Variants in DYNC2H1 observed in about 807,000 individuals in gnomAD.
DYNC2H1 encodes dynein cytoplasmic 2 heavy chain 1.
DYNC2H1 carries 410 observed loss-of-function variants against 570.0 expected under a neutral mutation model. The ratio of observed to expected loss-of-function variants is 0.72; its 90% CI spans 0.66 to 0.78. The LOEUF (loss-of-function observed/expected upper bound fraction) is 0.78, where lower values mean the gene tolerates loss of function less well. Ranked by LOEUF, DYNC2H1 falls within the 30% of genes least tolerant of loss-of-function variation. DYNC2H1 has a pLI of 0.00. For synonymous variants in DYNC2H1, 1,688 were observed against 1,677.6 expected (o/e 1.01, Z -0.15); for missense variants, 4,865 against 5,046.4 (o/e 0.96, Z 1.09).
intron 70 of DYNC2H1, among the ~76,000 whole-genome samples, chr11:103,274,611 A>C (rs1035812790): frequency 6.6e-6 from 1 of 152,192 alleles, no homozygotes; most frequent in Non-Finnish European, 1.5e-5. Flanking sequence ...TCTGAATTTT[A>C]ACCTAATACC....
At chr11:103,460,400 C>G (rs1450155036) in intron 87 of DYNC2H1, among the ~76,000 whole-genome samples, 1 of 148,308 alleles carries the variant, frequency 6.7e-6, no homozygotes, top group Admixed American at 6.8e-5. Flanking sequence ...GTATATTGAC[C>G]GTTCTTTCAA....
Position 103,245,133 on chromosome 11 carries a change from A to G in DYNC2H1, c.9919-118A>G, listed in dbSNP as rs1457068894. 5 of 868,978 alleles carry G rather than the reference A, an allele frequency of 5.8e-6. No individual in the cohort carries two copies. In the East Asian group the frequency reaches 1.5e-4, roughly 26 times the overall value. The allele number at this position is 868,978 out of a possible 1,614,324, so 53.8% of individuals were successfully genotyped here. On this transcript the variant is annotated intron_variant, in intron 64 of 88. Transcript: ENST00000375735. The surrounding 1 kb of genome is among the most constrained non-coding windows in gnomAD (Gnocchi z 4.5). ...CTTGGGTGAGTAATTTATTACCTAT[A>G]GAATCTGAAATTGTGTTTCTATAAC...
At position 103,157,407 on chromosome 11, in the gene DYNC2H1, T is replaced by A. The variant is rs1860887689; in HGVS notation, c.4127+637T>A. ...AAATAGTAGGCTAAAACTGAATCCA[T>A]GAGCTTAATTTACCAGTTCCTTTCC... On this transcript the variant is annotated intron_variant, in intron 26 of 88. Coordinates refer to ENST00000375735, the MANE Select transcript of DYNC2H1 (RefSeq NM_001377.3). This position sits in a 1 kb window ranked among gnomAD's most constrained non-coding sequence, Gnocchi z 4.2. Among the ~76,000 whole-genome samples the A allele has an allele frequency of 6.6e-6, 1 of 152,372 alleles. No individual in the cohort carries two copies. Among genetic ancestry groups the A allele is most frequent in the African/African-American group, 2.4e-5 (1 of 41,596 alleles).
chr11:103,148,290 A>G (rs1423573542), intron 19 of DYNC2H1, among the ~76,000 whole-genome samples, 200 bp from the exon 20 acceptor site: 2 of 152,210 alleles, frequency 1.3e-5, no homozygotes, highest in African/African-American at 4.8e-5. Flanking sequence ...ACAACGTGAA[A>G]CAACTAAACT....
At position 103,129,056 on chromosome 11, in the gene DYNC2H1, T is replaced by C; in HGVS notation, c.1953+51T>C. 6.9e-7 allele frequency: 1 copy of C among 1,459,370 alleles called. No homozygotes were observed. Among genetic ancestry groups the C allele is most frequent in the Middle Eastern group, 1.8e-4 (1 of 5,604 alleles). 90.4% of individuals were successfully genotyped at this position (1,459,370 alleles called of 1,614,324 possible). Reference sequence around the variant, plus strand: ...AATTAGATTTTACATGTGAAGTGTTTAATTCTTAATTTTCCGGTGTTCCCT... The same window carrying C: ...AATTAGATTTTACATGTGAAGTGTTCAATTCTTAATTTTCCGGTGTTCCCT... On this transcript the variant is annotated intron_variant, in intron 13 of 88. Transcript: ENST00000375735. This position sits in a 1 kb window ranked among gnomAD's most constrained non-coding sequence, Gnocchi z 4.1.
chr11:103,140,873 G>A (rs529862933), intron 17 of DYNC2H1, among the ~76,000 whole-genome samples: 1 of 152,154 alleles, frequency 6.6e-6, no homozygotes, highest in Admixed American at 6.5e-5. Context: ...TTTTCACATA[G>A]TCCCATGTTT....
At chr11:103,294,401 C>G (rs1369554853) in intron 75 of DYNC2H1, among the ~76,000 whole-genome samples, 1 of 152,084 alleles carries the variant, frequency 6.6e-6, no homozygotes, top group Non-Finnish European at 1.5e-5. Flanking sequence ...TTTACCTAAG[C>G]CTGTTTTCAC....
In DYNC2H1 at chr11:103,201,028, T is replaced by C. The variant is rs1862698975; in HGVS notation, c.8197+874T>C. Among the ~76,000 whole-genome samples the C allele has an allele frequency of 1.3e-5, 2 of 152,160 alleles. No homozygotes were observed. The highest frequency in any genetic ancestry group is 2.9e-5 in the Non-Finnish European group (2 of 68,024). ...TTTTAGTAGAAACAGGGTTTCACCA[T>C]GTTGGCCAGGATGGTCTCGAACTCC... On this transcript the variant is annotated intron_variant, in intron 50 of 88. Transcript: ENST00000375735. This position sits in a 1 kb window ranked among gnomAD's most constrained non-coding sequence, Gnocchi z 4.8.
chr11:103,473,018 A>G (rs1473229566), intron 88 of DYNC2H1, among the ~76,000 whole-genome samples: 1 of 152,172 alleles, frequency 6.6e-6, no homozygotes, highest in Non-Finnish European at 1.5e-5. Flanking sequence ...GAACTTCAAC[A>G]TTGTTTCAGT....
chr11:103,154,264 A>T (rs1860703298), intron 22 of DYNC2H1, among the ~76,000 whole-genome samples, 187 bp from the exon 23 acceptor site: 1 of 152,026 alleles, frequency 6.6e-6, no homozygotes, highest in Admixed American at 6.6e-5. Flanking sequence ...TAAAATTCTC[A>T]TAGTAAATAG....
chr11:103,214,871 G>A (rs1287839161), intron 54 of DYNC2H1, among the ~76,000 whole-genome samples: 1 of 147,868 alleles, frequency 6.8e-6, no homozygotes, highest in East Asian at 2.0e-4. Context: ...TCCTCTCCTT[G>A]GTTCACTTTA....
rs895341432 is a variant in DYNC2H1, at chr11:103,305,488, G to A, written c.11382+768G>A. On this transcript the variant is annotated intron_variant, in intron 77 of 88. Coordinates refer to ENST00000375735, the MANE Select transcript of DYNC2H1 (RefSeq NM_001377.3). This position sits in a 1 kb window ranked among gnomAD's most constrained non-coding sequence, Gnocchi z 4.3. Reference sequence around the variant, plus strand: ...AGAGCTAGGTTATGGAATACCCTGAGAACCATGCAGAACATTTTGGAATTT... The same window carrying A: ...AGAGCTAGGTTATGGAATACCCTGAAAACCATGCAGAACATTTTGGAATTT... Among the ~76,000 whole-genome samples the A allele has an allele frequency of 1.3e-5, 2 of 152,142 alleles. No homozygotes were observed. The highest frequency in any genetic ancestry group is 2.9e-5 in the Non-Finnish European group (2 of 68,022).
intron 10 of DYNC2H1, 116 bp downstream of exon 10, chr11:103,121,612 G>T (rs1858717273): frequency 3.4e-6 from 4 of 1,165,866 alleles, no homozygotes; most frequent in Non-Finnish European, 2.3e-6. Flanking sequence ...TGGCATGTCT[G>T]TCTAATTTTC....
At chr11:103,184,773 G>C in intron 40 of DYNC2H1, 123 bp from the exon 41 acceptor site, 2 of 907,828 alleles carry the variant, frequency 2.2e-6, no homozygotes, top group Non-Finnish European at 3.2e-6. Flanking sequence ...TCTACAGTTT[G>C]AATAGAGGAG....
At chr11:103,415,542 T>C (rs7116801) in intron 84 of DYNC2H1, among the ~76,000 whole-genome samples, 2 of 151,944 alleles carry the variant, frequency 1.3e-5, no homozygotes, top group African/African-American at 4.8e-5. Context: ...AACAGACACA[T>C]AAAAAAACGC....
At chr11:103,136,660 A>G (rs1859573743) in intron 17 of DYNC2H1, among the ~76,000 whole-genome samples, 1 of 152,136 alleles carries the variant, frequency 6.6e-6, no homozygotes, top group South Asian at 2.1e-4. Flanking sequence ...AGTCTTTGCT[A>G]TTGTGAATAG....
chr11:103,304,467 T>C (rs1392103428), intron 76 of DYNC2H1, 128 bp from the exon 77 acceptor site: 9 of 1,032,544 alleles, frequency 8.7e-6, no homozygotes, highest in Admixed American at 3.5e-5. Flanking sequence ...GTTTGATTCT[T>C]CTTCCAAATT....
intron 23 of DYNC2H1, 24 bp downstream of exon 23, chr11:103,154,630 G>C (rs1366591904): frequency 1.9e-6 from 3 of 1,582,042 alleles, no homozygotes; most frequent in Middle Eastern, 1.7e-4. Context: ...ACAATATTTA[G>C]ACTAATAATT....
At chr11:103,383,956 C>A (rs1514296) in intron 83 of DYNC2H1, among the ~76,000 whole-genome samples, 99,652 of 151,870 alleles carry the variant, frequency 0.66, 33,004 homozygotes, top group Admixed American at 0.72. Context: ...TCTTGATTAC[C>A]TTTTAGGTAT....
Sources: gnomAD v4.1 joint callset for allele counts (sites outside exome capture counted in the v4.1 genomes callset) on GRCh38, gnomAD v4.1.1 for gene constraint, Gnocchi (gnomAD v3.1) non-coding constraint, MANE v1.5 for transcripts, NCBI Gene and HGNC (gene_info 2026-07-23, HGNC 2026-07-21) for gene names.